The following PRKCH variants were observed in gnomAD, a reference collection of about 807,000 sequenced individuals.
PRKCH encodes the protein protein kinase C eta type.
A neutral mutation model predicts 82.5 loss-of-function variants in PRKCH; 28 were observed. The ratio of observed to expected loss-of-function variants is 0.34; its 90% CI spans 0.25 to 0.47. PRKCH has a LOEUF of 0.47. Ranked by LOEUF, PRKCH falls within the 20% of genes least tolerant of loss-of-function variation. The pLI is 1.00. For synonymous variants in PRKCH, 322 were observed against 327.4 expected (o/e 0.98, Z 0.18); for missense variants, 705 against 881.8 (o/e 0.80, Z 2.54).
intron 10 of PRKCH, among the ~76,000 whole-genome samples, chr14:61,512,382 G>A (rs757023814): frequency 1.3e-5 from 2 of 150,444 alleles, no homozygotes; most frequent in Admixed American, 6.7e-5. Flanking sequence ...CTGGAACTGT[G>A]TTCCCAAACT....
Position 61,280,845 on chromosome 14 carries a change from G to T in PRKCH, c.-19+93177G>T. The stretch of plus-strand genomic sequence containing the variant: ...GGTACACTGGGCCCTGGAAGAGCTC[G>T]GGCAGCGAGAAGTACCAGGCGCACG... On this transcript the variant is annotated intron_variant, in intron 1 of 3. Transcript: ENST00000555185. The surrounding 1 kb of genome is among the most constrained non-coding windows in gnomAD (Gnocchi z 5.0). The T allele has an allele frequency of 6.4e-7, 1 of 1,565,774 alleles. No individual in the cohort carries two copies. The highest frequency in any genetic ancestry group is 2.3e-5 in the East Asian group (1 of 43,690).
chr14:61,272,344 C>CTTTTTTT (rs1162331604), intron 1 of PRKCH, among the ~76,000 whole-genome samples: 8 of 23,616 alleles, frequency 3.4e-4, no homozygotes, highest in Admixed American at 5.7e-4. Context: ...TTTTTTCTTT[C>CTTTTTTT]TTTTTTTTTT....
In PRKCH at chr14:61,485,560, A is replaced by C; in HGVS notation, c.1337A>C (p.Gln446Pro). 2 of 1,614,212 alleles carry C rather than the reference A, an allele frequency of 1.2e-6. No individual in the cohort carries two copies. The highest frequency in any genetic ancestry group is 1.7e-6 in the Non-Finnish European group (2 of 1,180,032). The change falls in exon 10 of 14, where the codon CAG becomes CCG. Residue 446 changes from glutamine to proline, a missense_variant. By Grantham distance (76) the Gln-to-Pro change is moderately conservative. This residue lies in a region of PRKCH where 238 missense variants were observed against 258.1 expected (regional missense o/e 0.92). Coordinates refer to ENST00000332981, the MANE Select transcript of PRKCH (RefSeq NM_006255.5). The part of the protein sequence containing the change: ...VNGGDLMFHI[Q>P]KSRRFDEARA... ...GGGGGTGACTTGATGTTCCACATTC[A>C]GAAGTCTCGTCGTTTTGATGAAGCA...
chr14:61,198,553 A>G (rs1025533976), intron 1 of PRKCH, among the ~76,000 whole-genome samples: 3 of 152,222 alleles, frequency 2.0e-5, no homozygotes, highest in Non-Finnish European at 4.4e-5. Context: ...TTGCATTGTA[A>G]TTATTTGTTT....
chr14:61,523,441 G>A (rs1046552471), intron 10 of PRKCH, among the ~76,000 whole-genome samples: 2 of 152,172 alleles, frequency 1.3e-5, no homozygotes, highest in Non-Finnish European at 2.9e-5. Context: ...ACATAGAAGG[G>A]ATTGGGCCTG....
intron 1 of PRKCH, among the ~76,000 whole-genome samples, chr14:61,222,374 A>C (rs2044662593): frequency 7.9e-6 from 1 of 126,938 alleles, no homozygotes; most frequent in Non-Finnish European, 1.8e-5. Flanking sequence ...AGATCAGAGA[A>C]GCATTTTTAT....
At chr14:61,456,953 C>T (rs776471251) in intron 7 of PRKCH, 8 of 486,360 alleles carry the variant, frequency 1.6e-5, no homozygotes, top group Admixed American at 3.8e-5. Flanking sequence ...ATGGCTTAGA[C>T]GTATTTTTAA....
rs369567398 is a variant in PRKCH at position 61,338,653 on chromosome 14, A to G, written c.363+16189A>G. 2.0e-4 allele frequency among the ~76,000 whole-genome samples: 31 copies of G among 152,316 alleles called. 1 individual carries two copies. In the East Asian group the frequency reaches 5.2e-3, roughly 26 times the overall value. On this transcript the variant is annotated intron_variant, in intron 1 of 13. Transcript: ENST00000332981. ...AGAACAGGACACCAACAGGGGGCAT[A>G]AACAAGATCTAGGTACAACTGTGAC...
intron 2 of PRKCH, among the ~76,000 whole-genome samples, chr14:61,426,382 C>G (rs1189723187): frequency 2.0e-5 from 3 of 152,102 alleles, no homozygotes; most frequent in Non-Finnish European, 4.4e-5. Flanking sequence ...TTATTAATCC[C>G]AAACACAGAC....
intron 9 of PRKCH, among the ~76,000 whole-genome samples, chr14:61,482,475 A>T (rs1886023382): frequency 6.6e-6 from 1 of 152,210 alleles, no homozygotes; most frequent in Non-Finnish European, 1.5e-5. Context: ...TTGCTTGTTG[A>T]TAAACATGTC....
chr14:61,244,233 T>G (rs1467833428), intron 1 of PRKCH, among the ~76,000 whole-genome samples: 1 of 152,038 alleles, frequency 6.6e-6, no homozygotes, highest in Non-Finnish European at 1.5e-5. Flanking sequence ...GCGGTCAAAA[T>G]ACAGCTGAAC....
intron 10 of PRKCH, among the ~76,000 whole-genome samples, chr14:61,507,979 T>C (rs977509135): frequency 1.3e-5 from 2 of 152,076 alleles, no homozygotes; most frequent in Non-Finnish European, 2.9e-5. Context: ...CCTTTGAAGA[T>C]TATGTACAGG....
At chr14:61,188,463 G>C (rs1051174459) in intron 1 of PRKCH, among the ~76,000 whole-genome samples, 2 of 137,916 alleles carry the variant, frequency 1.5e-5, no homozygotes, top group African/African-American at 2.7e-5. Flanking sequence ...CCAGGCAGCG[G>C]CTCGGGCAGG....
At chr14:61,233,881 C>T (rs1270871537) in intron 1 of PRKCH, among the ~76,000 whole-genome samples, 1 of 151,976 alleles carries the variant, frequency 6.6e-6, no homozygotes. Context: ...TTTTTAGCAG[C>T]ATGAGAATGG....
intron 1 of PRKCH, among the ~76,000 whole-genome samples, chr14:61,381,816 T>C (rs2046514918): frequency 6.6e-6 from 1 of 152,092 alleles, no homozygotes; most frequent in Non-Finnish European, 1.5e-5. Context: ...TGTGATGACC[T>C]CATGTGCCAG....
chr14:61,370,245 G>A (rs1201806044), intron 1 of PRKCH, among the ~76,000 whole-genome samples: 4 of 152,106 alleles, frequency 2.6e-5, no homozygotes, highest in African/African-American at 9.7e-5. Flanking sequence ...ACCCGGCCAT[G>A]TGTGTTCTTT....
intron 1 of PRKCH, among the ~76,000 whole-genome samples, chr14:61,339,977 G>C (rs1017245134): frequency 1.3e-5 from 2 of 152,038 alleles, no homozygotes; most frequent in African/African-American, 4.8e-5. Flanking sequence ...GAGCCACTGT[G>C]CCTGGCGAAA....
chr14:61,329,234 C>CTTT (rs71117812), intron 1 of PRKCH, among the ~76,000 whole-genome samples: 3,076 of 62,836 alleles, frequency 0.049, 420 homozygotes, highest in East Asian at 0.2. Context: ...ACTCCTGAGT[C>CTTT]TTTTTTTTTT....
intron 12 of PRKCH, among the ~76,000 whole-genome samples, chr14:61,545,868 G>C (rs1208588319): frequency 6.6e-6 from 1 of 152,148 alleles, no homozygotes; most frequent in Admixed American, 6.5e-5. Flanking sequence ...GGACACTGGG[G>C]CTTCAGCCAC....
Sources: allele counts gnomAD v4.1 joint callset (sites outside exome capture counted in the v4.1 genomes callset), GRCh38; gene constraint gnomAD v4.1.1; regional missense constraint gnomAD v4.1.1; non-coding constraint Gnocchi (gnomAD v3.1); transcripts MANE v1.5; gene names NCBI Gene and HGNC (gene_info 2026-07-23, HGNC 2026-07-21).